Variants in TLE3 observed in about 807,000 individuals in gnomAD.
TLE3 encodes the protein transducin-like enhancer protein 3.
Under a neutral mutation model 93.0 loss-of-function variants are expected in TLE3, and 14 were observed. The observed-to-expected ratio is 0.15, with a 90% CI of 0.10 to 0.24. TLE3 has a LOEUF of 0.24. Among genes scored for constraint, TLE3 ranks in the 10% least tolerant of loss-of-function variants. The pLI, the probability that TLE3 is intolerant of heterozygous loss-of-function variation, is 1.00. For synonymous variants in TLE3, 451 were observed against 425.0 expected (o/e 1.06, Z -0.75); for missense variants, 693 against 1,046.6 (o/e 0.66, Z 4.66).
intron 13 of TLE3, among the ~76,000 whole-genome samples, chr15:70,057,211 G>T (rs1404898922): frequency 6.6e-6 from 1 of 152,210 alleles, no homozygotes. Context: ...GACTAAAAGG[G>T]AGGCTGCCTT....
intron 5 of TLE3, among the ~76,000 whole-genome samples, chr15:70,075,832 T>C (rs947760380): frequency 6.6e-6 from 1 of 152,204 alleles, no homozygotes; most frequent in Non-Finnish European, 1.5e-5. Context: ...TTAGGTCGCA[T>C]GCCAGCACTC....
intron 4 of TLE3, 112 bp downstream of exon 4, chr15:70,094,420 G>A: frequency 1.2e-6 from 1 of 813,666 alleles, no homozygotes; most frequent in South Asian, 1.7e-5. Context: ...TCAAGGAGAA[G>A]GGGGAGGAAT....
In TLE3 at chr15:70,050,256, A is replaced by G. The variant is rs1477126751; in HGVS notation, c.2203-52T>C. The stretch of plus-strand genomic sequence containing the variant: ...GCAGGAAGGCGTGGGGTGCAGGGAG[A>G]AAAAAGACAGGAATTCATTTTCCAG... On this transcript the variant is annotated intron_variant, in intron 19 of 19. Coordinates refer to ENST00000451782, the MANE Select transcript of TLE3 (RefSeq NM_001105192.3). 5 of 1,400,262 alleles carry G rather than the reference A, an allele frequency of 3.6e-6. No homozygotes were observed. The African/African-American group carries it at 4.3e-5, about 12-fold the overall frequency. The allele number at this position is 1,400,262 out of a possible 1,614,324, so 86.7% of individuals were successfully genotyped here.
At chr15:70,091,790 A>T (rs1172998098) in intron 4 of TLE3, among the ~76,000 whole-genome samples, 1 of 152,074 alleles carries the variant, frequency 6.6e-6, no homozygotes, top group Non-Finnish European at 1.5e-5. Context: ...ATCTGGCAGG[A>T]CTCGAGGTTC....
chr15:70,092,937 C>T (rs1410397598), intron 4 of TLE3, among the ~76,000 whole-genome samples: 1 of 152,064 alleles, frequency 6.6e-6, no homozygotes, highest in Admixed American at 6.5e-5. Context: ...TTAAACACAC[C>T]CAAGATACTA....
Position 70,050,232 on chromosome 15 carries a change from C to T in TLE3, c.2203-28G>A, listed in dbSNP as rs373163282. 36 of 1,570,798 alleles carry T rather than the reference C, an allele frequency of 2.3e-5. No homozygotes were observed. The South Asian group carries it at 3.8e-4, about 16-fold the overall frequency. On this transcript the variant is annotated intron_variant, in intron 19 of 19. Coordinates refer to ENST00000451782, the MANE Select transcript of TLE3 (RefSeq NM_001105192.3). Reference sequence around the variant, plus strand: ...GGAGGAGGAAGACGAGGAGAAGCAGCAGGAAGGCGTGGGGTGCAGGGAGAA... The same window carrying T: ...GGAGGAGGAAGACGAGGAGAAGCAGTAGGAAGGCGTGGGGTGCAGGGAGAA...
intron 4 of TLE3, chr15:70,079,558 G>A (rs1329423073): frequency 7.7e-6 from 3 of 390,736 alleles, no homozygotes; most frequent in Non-Finnish European, 1.5e-5. Flanking sequence ...AGTGGAAGCA[G>A]GGATTGGGCC....
intron 4 of TLE3, 64 bp from the exon 5 acceptor site, chr15:70,076,222 G>T (rs1216571051): frequency 2.6e-6 from 4 of 1,536,856 alleles, no homozygotes; most frequent in African/African-American, 1.4e-5. Flanking sequence ...AATGTCATAG[G>T]CAAGTGGAAA....
At chr15:70,065,973 A>AC (rs1595909186) in intron 7 of TLE3, 41 bp downstream of exon 7, 210 of 805,888 alleles carry the variant, frequency 2.6e-4, no homozygotes, top group Admixed American at 6.2e-4. Context: ...GCCCATGCCC[A>AC]CCCCTGCCCC....
At chr15:70,085,131 G>A (rs1296603679) in intron 4 of TLE3, among the ~76,000 whole-genome samples, 1 of 152,226 alleles carries the variant, frequency 6.6e-6, no homozygotes, top group African/African-American at 2.4e-5. Context: ...ACTGAAGAAA[G>A]TTCTACTGGA....
chr15:70,084,090 C>T (rs1331011906), intron 4 of TLE3, among the ~76,000 whole-genome samples: 2 of 152,190 alleles, frequency 1.3e-5, no homozygotes, highest in Admixed American at 6.5e-5. Context: ...CCTCCCAAGC[C>T]ACACCATTTG....
At chr15:70,087,311 A>G (rs1251888347) in intron 4 of TLE3, among the ~76,000 whole-genome samples, 1 of 152,068 alleles carries the variant, frequency 6.6e-6, no homozygotes, top group Admixed American at 6.5e-5. Flanking sequence ...TTCACACCCC[A>G]AGCTTTCAGG....
intron 8 of TLE3, among the ~76,000 whole-genome samples, chr15:70,062,140 G>A (rs1377092821): frequency 6.6e-6 from 1 of 152,224 alleles, no homozygotes; most frequent in African/African-American, 2.4e-5. Context: ...AAATTAAAAT[G>A]GCAGAGTTAT....
At chr15:70,060,797 C>G in intron 8 of TLE3, 148 bp from the exon 9 acceptor site, 1 of 1,387,074 alleles carries the variant, frequency 7.2e-7, no homozygotes, top group Non-Finnish European at 9.8e-7. Flanking sequence ...GTGGCTCCAT[C>G]AGAGCCTTGC....
chr15:70,057,651 A>G lies in TLE3; in HGVS notation c.1059T>C (p.Ala353=), dbSNP rs917906297. 2 of 1,572,640 alleles carry G rather than the reference A, an allele frequency of 1.3e-6. No homozygotes were observed. Among genetic ancestry groups the G allele is most frequent in the African/African-American group, 2.7e-5 (2 of 74,530 alleles). ...TGGTGATGGAGATGGGCGTGCGCAG[A>G]GCCGAGGCTGCGAGGGGTGGGCGTC... ...KPPGMDPIAS[A]LRTPISITSS... Residue 353 remains alanine, a synonymous_variant, in exon 13 of 20, where the codon GCT becomes GCC. Transcript: ENST00000451782.
intron 10 of TLE3, among the ~76,000 whole-genome samples, chr15:70,059,049 A>G (rs2141514659): frequency 6.6e-6 from 1 of 152,326 alleles, no homozygotes; most frequent in African/African-American, 2.4e-5. Flanking sequence ...GACTTCAATC[A>G]GCATGGCTGG....
At chr15:70,085,453 C>T (rs117360163) in intron 4 of TLE3, among the ~76,000 whole-genome samples, 27 of 152,350 alleles carry the variant, frequency 1.8e-4, no homozygotes, top group African/African-American at 6.3e-4. Flanking sequence ...GCCCAATGGG[C>T]ATTCAACATC....
chr15:70,096,919 C>A lies in TLE3; in HGVS notation c.-121G>T. The stretch of plus-strand genomic sequence containing the variant: ...GGCCGGGAAACCGAGAGCTCGCCCC[C>A]GGCCCCCCCAGCTCGTTCTCGCAGC... On this transcript the variant is annotated 5_prime_UTR_variant, in exon 1 of 20. Transcript: ENST00000451782. The A allele has an allele frequency of 9.0e-7, 1 of 1,114,494 alleles. No homozygotes were observed. The highest frequency in any genetic ancestry group is 1.3e-6 in the Non-Finnish European group (1 of 768,840). 69.0% of individuals were successfully genotyped at this position (1,114,494 alleles called of 1,614,324 possible). A position where few individuals can be genotyped will look rare whatever the true frequency, so the allele number is the denominator to read the frequency against.
At chr15:70,096,415 G>A in intron 1 of TLE3, 154 bp from the exon 2 acceptor site, 1 of 1,340,716 alleles carries the variant, frequency 7.5e-7, no homozygotes, top group Non-Finnish European at 9.9e-7. Context: ...ACGGGGCGGA[G>A]GGGGGGCGCC....
Sources: gnomAD v4.1 joint callset for allele counts (sites outside exome capture counted in the v4.1 genomes callset) on GRCh38, gnomAD v4.1.1 for gene constraint, MANE v1.5 for transcripts, NCBI Gene and HGNC (gene_info 2026-07-23, HGNC 2026-07-21) for gene names.